The following THADA variants were observed in gnomAD, a reference collection of about 807,000 sequenced individuals.
The protein encoded by THADA is tRNA (32-2'-O)-methyltransferase regulator THADA.
A neutral mutation model predicts 219.8 loss-of-function variants in THADA; 213 were observed. That is an observed-to-expected ratio of 0.97 (90% CI 0.87 to 1.09). The LOEUF is 1.09. THADA is among the 50% of genes least tolerant of loss of function. THADA has a pLI of 0.00. For synonymous variants in THADA, 1,018 were observed against 828.9 expected, an observed-to-expected ratio of 1.23 and a Z score of -3.92; for missense variants, 2,956 against 2,311.3, an observed-to-expected ratio of 1.28 and a Z score of -5.72.
Position 43,247,460 on chromosome 2 carries a change from G to A in THADA, c.5297-14578C>T, listed in dbSNP as rs565592769. Among the ~76,000 whole-genome samples the A allele has an allele frequency of 9.2e-5, 14 of 152,112 alleles. No homozygotes were observed. In the South Asian group the frequency reaches 1.2e-3, roughly 14 times the overall value. ...AAAATCACTATTAAAGGCTGGGCAC[G>A]GCCGGGTGAGGTGGCTCATGCCTGT... On this transcript the variant is annotated intron_variant, in intron 36 of 37. Transcript: ENST00000405975.
chr2:43,560,998 C>A (rs2103940776), intron 15 of THADA, among the ~76,000 whole-genome samples: 1 of 130,370 alleles, frequency 7.7e-6, no homozygotes. Flanking sequence ...GCCTGCGCAA[C>A]AGAGTGAGAC....
rs200642814 is a variant in THADA, at chr2:43,343,972, ACAACC to A, written c.4343+145_4343+149del. On this transcript the variant is annotated intron_variant, in intron 30 of 37. Transcript: ENST00000405975. ...AAGAAAATATTTTTCTTTCTTTACC[ACAACC>A]CAAAGTTCTAAAAGGATAAATACTC... 22 of 571,684 alleles carry A rather than the reference ACAACC, an allele frequency of 3.8e-5. No individual in the cohort carries two copies. In the East Asian group the frequency reaches 6.5e-4, roughly 17 times the overall value. The allele number at this position is 571,684 out of a possible 1,614,324, so 35.4% of individuals were successfully genotyped here.
In THADA at chr2:43,435,067, C is replaced by T. The variant is rs139874732; in HGVS notation, c.3837-4765G>A. 1.0e-3 allele frequency among the ~76,000 whole-genome samples: 152 copies of T among 152,318 alleles called. 1 individual carries two copies. Among genetic ancestry groups the T allele is most frequent in the African/African-American group, 3.6e-3 (150 of 41,574 alleles). On this transcript the variant is annotated intron_variant, in intron 26 of 37. Coordinates refer to ENST00000405975, the MANE Select transcript of THADA (RefSeq NM_022065.5). ...TCACACACCTTGTGAGGGGGACTCA[C>T]ACACCCTGCAAGGGGGACAAGGGAA...
At chr2:43,402,617 A>T (rs1476451031) in intron 28 of THADA, among the ~76,000 whole-genome samples, 1 of 152,194 alleles carries the variant, frequency 6.6e-6, no homozygotes, top group Non-Finnish European at 1.5e-5. Flanking sequence ...GCCCACACAC[A>T]TCCGTAGGGA....
At chr2:43,534,400 C>A (rs1445586988) in intron 21 of THADA, among the ~76,000 whole-genome samples, 5 of 152,140 alleles carry the variant, frequency 3.3e-5, no homozygotes, top group Non-Finnish European at 7.4e-5. Flanking sequence ...AGTCATCCTA[C>A]TGTGGTAAAG....
chr2:43,268,682 C>G (rs1671800799), intron 36 of THADA, among the ~76,000 whole-genome samples: 1 of 152,196 alleles, frequency 6.6e-6, no homozygotes. Flanking sequence ...GGGGTCGCCA[C>G]CGTGGCCAGT....
intron 28 of THADA, among the ~76,000 whole-genome samples, chr2:43,425,972 CT>C: frequency 6.6e-6 from 1 of 152,250 alleles, no homozygotes; most frequent in Admixed American, 6.5e-5. Context: ...TGGTGATGTT[CT>C]ATGAATCTAC....
At chr2:43,539,833 A>T (rs11899892) in intron 21 of THADA, among the ~76,000 whole-genome samples, 3,422 of 151,898 alleles carry the variant, frequency 0.023, 47 homozygotes, top group African/African-American at 0.048. Context: ...CTCTTATTTT[A>T]CATTAATTCC....
intron 7 of THADA, among the ~76,000 whole-genome samples, chr2:43,584,772 G>C (rs1249889276): frequency 6.6e-6 from 1 of 152,138 alleles, no homozygotes; most frequent in African/African-American, 2.4e-5. Flanking sequence ...GAAACTGTTG[G>C]CACTAGGTAC....
At chr2:43,416,883 A>C (rs193218411) in intron 28 of THADA, among the ~76,000 whole-genome samples, 1 of 152,352 alleles carries the variant, frequency 6.6e-6, no homozygotes, top group Admixed American at 6.5e-5. Flanking sequence ...TGCAATCTTA[A>C]GTAACAAAAC....
At chr2:43,234,596 A>G (rs1168444685) in intron 36 of THADA, among the ~76,000 whole-genome samples, 1 of 152,152 alleles carries the variant, frequency 6.6e-6, no homozygotes, top group Non-Finnish European at 1.5e-5. Flanking sequence ...GCAGTTCTCA[A>G]TTGGCTGAGA....
intron 21 of THADA, 138 bp from the exon 22 acceptor site, chr2:43,528,126 CTTTTTTTTTTTTTT>C (rs367822642): frequency 6.2e-6 from 1 of 162,116 alleles, no homozygotes; most frequent in Non-Finnish European, 1.1e-5. Flanking sequence ...ATGTTTTAAG[CTTTTTTTTTTTTTT>C]TTTTTTTTGA....
intron 22 of THADA, among the ~76,000 whole-genome samples, chr2:43,509,924 C>T (rs13013639): frequency 0.21 from 32,188 of 151,996 alleles, 3,560 homozygotes; most frequent in South Asian, 0.28. Flanking sequence ...CTTGCTTCTT[C>T]GACACTCCTG....
At chr2:43,539,959 A>G (rs1174607131) in intron 21 of THADA, among the ~76,000 whole-genome samples, 1 of 152,232 alleles carries the variant, frequency 6.6e-6, no homozygotes, top group South Asian at 2.1e-4. Flanking sequence ...TTACAGTAAA[A>G]GCAAAATACA....
rs183637220 is a variant in THADA at position 43,540,470 on chromosome 2, G to A, written c.3264+689C>T. On this transcript the variant is annotated intron_variant, in intron 21 of 37. Coordinates refer to ENST00000405975, the MANE Select transcript of THADA (RefSeq NM_022065.5). ...TGAATTGTAACACCCTAGGGAAAAAGTTGCCTTTATTTTTAAAAAGTTAAA... is the reference window on the plus strand; with the variant it reads ...TGAATTGTAACACCCTAGGGAAAAAATTGCCTTTATTTTTAAAAAGTTAAA... Among the ~76,000 whole-genome samples the A allele has an allele frequency of 5.5e-4, 84 of 152,220 alleles. 1 individual carries two copies. The highest frequency in any genetic ancestry group is 1.9e-3 in the African/African-American group (77 of 41,540).
At chr2:43,559,283 T>C (rs1697773941) in intron 16 of THADA, among the ~76,000 whole-genome samples, 1 of 152,182 alleles carries the variant, frequency 6.6e-6, no homozygotes, top group Non-Finnish European at 1.5e-5. Context: ...ACTTCCAATA[T>C]GGACCCAAGT....
chr2:43,352,375 T>C (rs1668373851), intron 29 of THADA, among the ~76,000 whole-genome samples: 1 of 152,072 alleles, frequency 6.6e-6, no homozygotes, highest in Non-Finnish European at 1.5e-5. Flanking sequence ...CTGGCCAACA[T>C]GGCGAAACCC....
At chr2:43,525,437 A>C (rs1693050548) in intron 22 of THADA, among the ~76,000 whole-genome samples, 1 of 152,206 alleles carries the variant, frequency 6.6e-6, no homozygotes, top group Non-Finnish European at 1.5e-5. Context: ...TGAGACTTCC[A>C]AGGCTGGGTC....
chr2:43,336,173 C>T (rs919945651), intron 30 of THADA, among the ~76,000 whole-genome samples: 1 of 152,010 alleles, frequency 6.6e-6, no homozygotes, highest in Non-Finnish European at 1.5e-5. Context: ...GTGAGAGGAT[C>T]ACTTGAGCCC....
Sources: allele counts gnomAD v4.1 joint callset (sites outside exome capture counted in the v4.1 genomes callset), GRCh38; gene constraint gnomAD v4.1.1; transcripts MANE v1.5; gene names NCBI Gene and HGNC (gene_info 2026-07-23, HGNC 2026-07-21).